The following DCAF1 variants were observed in gnomAD, a reference collection of about 807,000 sequenced individuals.
DCAF1 encodes the protein DDB1- and CUL4-associated factor 1.
Under a neutral mutation model 128.0 loss-of-function variants are expected in DCAF1, and 15 were observed. That is an observed-to-expected ratio of 0.12 (90% CI 0.08 to 0.18). The LOEUF (loss-of-function observed/expected upper bound fraction) is 0.18, where lower values mean the gene tolerates loss of function less well. Ranked by LOEUF, DCAF1 falls within the 10% of genes least tolerant of loss-of-function variation. The probability of loss-of-function intolerance (pLI) is 1.00; values close to 1 mark genes in which losing one functional copy is unlikely to be tolerated. For synonymous variants in DCAF1, 610 were observed against 603.0 expected (o/e 1.01, Z -0.17); for missense variants, 988 against 1,649.5 (o/e 0.60, Z 6.95).
At chr3:51,439,450 T>TA (rs1358119360) in intron 9 of DCAF1, among the ~76,000 whole-genome samples, 1 of 148,324 alleles carries the variant, frequency 6.7e-6, no homozygotes, top group South Asian at 2.2e-4. Flanking sequence ...CTATTTTTTT[T>TA]TTTTTTTTTG....
At chr3:51,490,323 C>T (rs182348363) in intron 2 of DCAF1, among the ~76,000 whole-genome samples, 3 of 152,162 alleles carry the variant, frequency 2.0e-5, no homozygotes, top group East Asian at 1.9e-4. Flanking sequence ...CCCAGCTACT[C>T]GGTAGGCTGA....
intron 13 of DCAF1, 49 bp downstream of exon 13, chr3:51,427,317 CAACTTT>C: frequency 1.6e-6 from 1 of 641,828 alleles, no homozygotes; most frequent in Non-Finnish European, 2.9e-6. Flanking sequence ...AAACCAACAT[CAACTTT>C]AACAAAAAGA....
At chr3:51,489,404 C>T (rs568049708) in intron 2 of DCAF1, among the ~76,000 whole-genome samples, 1 of 152,220 alleles carries the variant, frequency 6.6e-6, no homozygotes, top group Admixed American at 6.5e-5. Flanking sequence ...CACTGCAGTC[C>T]AGCCTGGGCA....
chr3:51,475,900 G>A (rs1015717150), intron 3 of DCAF1, among the ~76,000 whole-genome samples: 1 of 151,782 alleles, frequency 6.6e-6, no homozygotes, highest in Non-Finnish European at 1.5e-5. Flanking sequence ...CAGATTTTCA[G>A]GGTTCAAATC....
chr3:51,448,692 T>C (rs1284847317), intron 6 of DCAF1, among the ~76,000 whole-genome samples: 1 of 152,218 alleles, frequency 6.6e-6, no homozygotes, highest in Non-Finnish European at 1.5e-5. Flanking sequence ...ATTACCGGTA[T>C]AGTATCTATT....
chr3:51,503,523 G>A (rs1708869380), upstream of DCAF1, among the ~76,000 whole-genome samples: 1 of 152,094 alleles, frequency 6.6e-6, no homozygotes, highest in Non-Finnish European at 1.5e-5. Context: ...CCCTTCCCTG[G>A]GGCTGGGAAG....
intron 5 of DCAF1, among the ~76,000 whole-genome samples, chr3:51,464,917 A>T (rs1433142576): frequency 6.6e-6 from 1 of 152,206 alleles, no homozygotes; most frequent in African/African-American, 2.4e-5. Flanking sequence ...CAGAGAACAA[A>T]GTTCAGAGAC....
In DCAF1 at chr3:51,427,422, G is replaced by A; in HGVS notation, c.1797C>T (p.Leu599=). 1 of 779,974 alleles carries A rather than the reference G, an allele frequency of 1.3e-6. No individual in the cohort carries two copies. Among genetic ancestry groups the A allele is most frequent in the South Asian group, 1.3e-5 (1 of 74,428 alleles). The allele number at this position is 779,974 out of a possible 1,614,324, so 48.3% of individuals were successfully genotyped here. A position where few individuals can be genotyped will look rare whatever the true frequency, so the allele number is the denominator to read the frequency against. ...AGGCAATAGAAATAAGCTGCAACAAGAGTTGCACACAAGAAAGTTTGAGGA... is the reference window on the plus strand; with the variant it reads ...AGGCAATAGAAATAAGCTGCAACAAAAGTTGCACACAAGAAAGTTTGAGGA... ...EVFLKLSCVQ[L]LLQLISIACN... is the part of the protein sequence containing the mutation. The change falls in exon 13 of 25, where the codon CTC becomes CTT. Residue 599 remains leucine (L), a synonymous_variant. Transcript: ENST00000684031.
At chr3:51,466,121 G>A (rs1353291372) in intron 5 of DCAF1, among the ~76,000 whole-genome samples, 1 of 152,168 alleles carries the variant, frequency 6.6e-6, no homozygotes, top group South Asian at 2.1e-4. Context: ...AGAATCACCT[G>A]ACCCCGGAAA....
intron 3 of DCAF1, 120 bp from the exon 4 acceptor site, chr3:51,471,125 C>T (rs1704688490): frequency 1.9e-6 from 1 of 530,652 alleles, no homozygotes; most frequent in Non-Finnish European, 3.3e-6. Flanking sequence ...AAGACTATTT[C>T]TTCTGATGTA....
intron 22 of DCAF1, 136 bp from the exon 23 acceptor site, chr3:51,412,616 C>A: frequency 1.4e-6 from 2 of 1,420,156 alleles, no homozygotes. Flanking sequence ...CTTGAGCTGA[C>A]TATGAAAATG....
At chr3:51,491,671 AC>A (rs755546724) in intron 2 of DCAF1, among the ~76,000 whole-genome samples, 11 of 151,972 alleles carry the variant, frequency 7.2e-5, no homozygotes, top group Non-Finnish European at 1.5e-4. Context: ...ACATTGTGAA[AC>A]CCCATCTCTA....
At chr3:51,428,186 CTTTTT>C (rs77357659) in intron 12 of DCAF1, among the ~76,000 whole-genome samples, 1 of 149,804 alleles carries the variant, frequency 6.7e-6, no homozygotes, top group Non-Finnish European at 1.5e-5. Flanking sequence ...CAATTTGTGA[CTTTTT>C]TTTTTCTTGA....
chr3:51,439,118 C>A (rs1701118770), intron 9 of DCAF1, among the ~76,000 whole-genome samples: 2 of 151,844 alleles, frequency 1.3e-5, no homozygotes, highest in Admixed American at 1.3e-4. Flanking sequence ...GAAACCTTTA[C>A]TGAGTTGAAG....
At chr3:51,498,599 A>G (rs1192339519) in intron 1 of DCAF1, among the ~76,000 whole-genome samples, 1 of 152,076 alleles carries the variant, frequency 6.6e-6, no homozygotes, top group Non-Finnish European at 1.5e-5. Flanking sequence ...AAAAAATTTT[A>G]AAACTGTATA....
intron 20 of DCAF1, 34 bp from the exon 21 acceptor site, chr3:51,413,420 G>C (rs1457421635): frequency 6.3e-7 from 1 of 1,592,580 alleles, no homozygotes; most frequent in African/African-American, 1.3e-5. Context: ...ACACTATTAG[G>C]AATCACAAAC....
In DCAF1 at chr3:51,440,949, C is replaced by T. The variant is rs1553638443; in HGVS notation, c.1128+21G>A. 3 of 1,581,922 alleles carry T rather than the reference C, an allele frequency of 1.9e-6. No individual in the cohort carries two copies. In the African/African-American group the frequency reaches 4.1e-5, roughly 21 times the overall value. ...AGTTTTTAAAAAATCCCCGGTGACCCAATATTTTTAAGAACTTTACCTTTA... is the reference window on the plus strand; with the variant it reads ...AGTTTTTAAAAAATCCCCGGTGACCTAATATTTTTAAGAACTTTACCTTTA... On this transcript the variant is annotated intron_variant, in intron 9 of 24. Transcript: ENST00000684031.
intron 23 of DCAF1, among the ~76,000 whole-genome samples, chr3:51,408,962 C>A (rs1454486876): frequency 1.3e-5 from 2 of 152,186 alleles, no homozygotes; most frequent in African/African-American, 4.8e-5. Flanking sequence ...CTTCTCTGAG[C>A]TAGAAAGCTT....
intron 2 of DCAF1, among the ~76,000 whole-genome samples, chr3:51,492,127 CT>C (rs1322608488): frequency 6.7e-6 from 1 of 150,288 alleles, no homozygotes; most frequent in East Asian, 1.9e-4. Context: ...CCACTGCACT[CT>C]AGCCTGGTGA....
Sources: allele counts gnomAD v4.1 joint callset (sites outside exome capture counted in the v4.1 genomes callset), GRCh38; gene constraint gnomAD v4.1.1; transcripts MANE v1.5; gene names NCBI Gene and HGNC (gene_info 2026-07-23, HGNC 2026-07-21).